SHC4: variants seen among roughly 807,000 people sequenced by gnomAD.
SHC4 encodes the protein SHC-transforming protein 4.
Under a neutral mutation model 69.4 loss-of-function variants are expected in SHC4, and 41 were observed. The ratio of observed to expected loss-of-function variants is 0.59; its 90% CI spans 0.46 to 0.77. The LOEUF is 0.77. Ranked by LOEUF, SHC4 falls within the 30% of genes least tolerant of loss-of-function variation. SHC4 has a pLI of 0.00. For missense variants in SHC4, 777 were observed against 783.8 expected, an observed-to-expected ratio of 0.99 and a Z score of 0.10; for synonymous variants, 318 against 299.3, an observed-to-expected ratio of 1.06 and a Z score of -0.64.
At chr15:48,829,449 T>G (rs1490800458) in intron 11 of SHC4, among the ~76,000 whole-genome samples, 2 of 152,230 alleles carry the variant, frequency 1.3e-5, no homozygotes, top group Admixed American at 1.3e-4. Flanking sequence ...TATATCTTCC[T>G]GAAGAATTGA....
chr15:48,911,640 T>C (rs1900510982), intron 2 of SHC4, among the ~76,000 whole-genome samples: 1 of 152,180 alleles, frequency 6.6e-6, no homozygotes, highest in Non-Finnish European at 1.5e-5. Flanking sequence ...CTTTGGTTTT[T>C]TTTGTTGTTG....
At chr15:48,924,781 C>T (rs1900817853) in intron 2 of SHC4, 98 bp downstream of exon 2, 2 of 1,267,854 alleles carry the variant, frequency 1.6e-6, no homozygotes, top group South Asian at 2.4e-5. Context: ...AATAAAAGTG[C>T]ATAATGAATT....
chr15:48,871,860 C>G lies in SHC4; in HGVS notation c.894+229G>C, dbSNP rs182480585. 1.8e-3 allele frequency among the ~76,000 whole-genome samples: 270 copies of G among 152,286 alleles called. 2 individuals are homozygous for G. The highest frequency in any genetic ancestry group is 0.01 in the Middle Eastern group (3 of 294). ...ACACAATGGAGCACTACTAGCTCATCTACTAATCCAAGTATTTTAAAATTT... is the reference window on the plus strand; with the variant it reads ...ACACAATGGAGCACTACTAGCTCATGTACTAATCCAAGTATTTTAAAATTT... On this transcript the variant is annotated intron_variant, in intron 5 of 11. Coordinates refer to ENST00000332408, the MANE Select transcript of SHC4 (RefSeq NM_203349.4).
At chr15:48,843,958 A>G (rs996440072) in intron 9 of SHC4, among the ~76,000 whole-genome samples, 3 of 152,250 alleles carry the variant, frequency 2.0e-5, no homozygotes, top group African/African-American at 7.2e-5. Flanking sequence ...TTGCCCAGGA[A>G]TCAGGAAAAC....
At chr15:48,827,373 C>A (rs963405977) in intron 11 of SHC4, among the ~76,000 whole-genome samples, 2 of 152,158 alleles carry the variant, frequency 1.3e-5, no homozygotes, top group East Asian at 3.8e-4. Context: ...TTAGGAAATA[C>A]ACATTCAAGG....
rs1448526581 is a variant in SHC4 at position 48,876,190 on chromosome 15, G to T, written c.841-4048C>A. ...CAGTGAACTCTGTCACTTCAGGGACGAACAACAACTGTGTTCAACTTGGCA... is the reference window on the plus strand; with the variant it reads ...CAGTGAACTCTGTCACTTCAGGGACTAACAACAACTGTGTTCAACTTGGCA... On this transcript the variant is annotated intron_variant, in intron 4 of 11. Coordinates refer to ENST00000332408, the MANE Select transcript of SHC4 (RefSeq NM_203349.4). 2.6e-5 allele frequency among the ~76,000 whole-genome samples: 4 copies of T among 152,150 alleles called. 1 individual carries two copies. In the Middle Eastern group the frequency reaches 9.5e-3, roughly 361 times the overall value.
chr15:48,947,631 T>C (rs1380473951), intron 1 of SHC4, among the ~76,000 whole-genome samples: 1 of 152,168 alleles, frequency 6.6e-6, no homozygotes, highest in Non-Finnish European at 1.5e-5. Context: ...CCTAGAAGCA[T>C]TGGGTAAATA....
At chr15:48,943,777 T>C (rs1400856352) in intron 1 of SHC4, among the ~76,000 whole-genome samples, 2 of 152,166 alleles carry the variant, frequency 1.3e-5, no homozygotes, top group Admixed American at 6.5e-5. Flanking sequence ...GTCTTTTTGA[T>C]AATAGCCCTC....
At chr15:48,940,054 GC>G (rs2141033078) in intron 1 of SHC4, among the ~76,000 whole-genome samples, 1 of 152,324 alleles carries the variant, frequency 6.6e-6, no homozygotes, top group East Asian at 1.9e-4. Context: ...TGACAAGGTT[GC>G]TCTAGGTGTC....
chr15:48,929,870 C>T (rs1459409143), intron 1 of SHC4, among the ~76,000 whole-genome samples: 1 of 152,218 alleles, frequency 6.6e-6, no homozygotes. Context: ...TACCTAACTC[C>T]CAACTCGCTT....
intron 3 of SHC4, 105 bp from the exon 4 acceptor site, chr15:48,884,472 C>A: frequency 1.0e-6 from 1 of 987,060 alleles, no homozygotes; most frequent in Non-Finnish European, 1.4e-6. Flanking sequence ...CCAAACTCTT[C>A]CTCTCTATTT....
chr15:48,933,633 T>C (rs748533278), intron 1 of SHC4, among the ~76,000 whole-genome samples: 27 of 152,180 alleles, frequency 1.8e-4, no homozygotes, highest in Non-Finnish European at 3.4e-4. Flanking sequence ...TCATCTGTAA[T>C]TTCAAAATAA....
chr15:48,939,204 A>G (rs1901129462), intron 1 of SHC4, among the ~76,000 whole-genome samples: 1 of 152,162 alleles, frequency 6.6e-6, no homozygotes, highest in Non-Finnish European at 1.5e-5. Flanking sequence ...ACCTTAATCA[A>G]TGGCGCTCCA....
In SHC4 at chr15:48,869,332, C is replaced by T. The variant is rs908942562; in HGVS notation, c.895-1463G>A. 8.5e-5 allele frequency among the ~76,000 whole-genome samples: 13 copies of T among 152,170 alleles called. No individual in the cohort carries two copies. The South Asian group carries it at 1.7e-3, about 19-fold the overall frequency. On this transcript the variant is annotated intron_variant, in intron 5 of 11. Coordinates refer to ENST00000332408, the MANE Select transcript of SHC4 (RefSeq NM_203349.4). ...GAGCAAAGGCCAAGAGATGAGAAGGCTATTCATTATTTTTGAAATTTTGGA... is the reference window on the plus strand; with the variant it reads ...GAGCAAAGGCCAAGAGATGAGAAGGTTATTCATTATTTTTGAAATTTTGGA...
At chr15:48,854,133 C>T (rs1899267021) in intron 8 of SHC4, among the ~76,000 whole-genome samples, 1 of 152,010 alleles carries the variant, frequency 6.6e-6, no homozygotes, top group African/African-American at 2.4e-5. Context: ...AAGCAAAAAA[C>T]AACCCCATTA....
At chr15:48,873,078 T>C (rs1046676442) in intron 4 of SHC4, among the ~76,000 whole-genome samples, 2 of 151,422 alleles carry the variant, frequency 1.3e-5, no homozygotes, top group African/African-American at 4.9e-5. Context: ...GCCCTGTTCA[T>C]AACAGCCCTA....
chr15:48,834,389 T>C (rs1898861733), intron 11 of SHC4, among the ~76,000 whole-genome samples: 1 of 152,230 alleles, frequency 6.6e-6, no homozygotes, highest in Non-Finnish European at 1.5e-5. Context: ...CATTCTTATC[T>C]CATTCAGCTT....
chr15:48,853,635 T>G (rs62009456), intron 8 of SHC4, among the ~76,000 whole-genome samples: 2,813 of 152,048 alleles, frequency 0.019, 56 homozygotes, highest in Non-Finnish European at 0.024. Context: ...TGGCACAAAA[T>G]CACAAACATA....
At chr15:48,924,526 G>T (rs2009404) in intron 2 of SHC4, among the ~76,000 whole-genome samples, 40,118 of 152,150 alleles carry the variant, frequency 0.26, 6,424 homozygotes, top group Middle Eastern at 0.39. Context: ...CATGTTGAAA[G>T]TCTTACTTGG....
Sources: allele counts gnomAD v4.1 joint callset (sites outside exome capture counted in the v4.1 genomes callset), GRCh38; gene constraint gnomAD v4.1.1; transcripts MANE v1.5; gene names NCBI Gene and HGNC (gene_info 2026-07-23, HGNC 2026-07-21).